Variants in CNNM1 observed in about 807,000 individuals in gnomAD.
CNNM1 encodes cyclin and CBS domain divalent metal cation transport mediator 1.
CNNM1 carries 44 observed loss-of-function variants against 78.8 expected under a neutral mutation model. The observed-to-expected ratio is 0.56, with a 90% CI of 0.44 to 0.72. The LOEUF (loss-of-function observed/expected upper bound fraction) is 0.72. CNNM1 is among the 30% of genes least tolerant of loss of function. CNNM1 has a pLI of 0.00. For synonymous variants in CNNM1, 584 were observed against 581.5 expected (o/e 1.00, Z -0.06); for missense variants, 1,101 against 1,292.2 (o/e 0.85, Z 2.27).
At chr10:99,347,376 A>G (rs1370822695) in intron 1 of CNNM1, among the ~76,000 whole-genome samples, 3 of 151,316 alleles carry the variant, frequency 2.0e-5, no homozygotes, top group Non-Finnish European at 4.4e-5. Context: ...AAAAAATTAG[A>G]CTGGCATGGT....
In CNNM1 at chr10:99,391,498, A is replaced by G; in HGVS notation, c.2838A>G (p.Leu946=). 6.2e-7 allele frequency: 1 copy of G among 1,613,832 alleles called. No individual in the cohort carries two copies. The highest frequency in any genetic ancestry group is 8.5e-7 in the Non-Finnish European group (1 of 1,179,766). The change falls in exon 11 of 11, where the codon TTA becomes TTG. Residue 946 remains leucine, a synonymous_variant. Transcript: ENST00000356713. ...GAACCTCTGAGGACAACTCCAATTT[A>G]ACACCTCTGATCACATGACAGGGCA... ...GERTSEDNSN[L]TPLIT
At position 99,330,079 on chromosome 10, in the gene CNNM1, T is replaced by C. The variant is rs1221770838; in HGVS notation, c.692T>C (p.Leu231Pro). The part of the protein sequence containing the change: ...PAWLRALGAL[L>P]LLALSALFSG... The stretch of plus-strand genomic sequence containing the variant: ...TGGCTGCGGGCGCTCGGGGCGCTCC[T>C]GCTGCTAGCCTTGTCGGCCCTGTTC... The change falls in exon 1 of 11, where the codon CTG (leucine) becomes CCG (proline). Residue 231 changes from leucine (L) to proline (P), a missense_variant. Physicochemically the swap from Leu to Pro is moderately conservative, Grantham distance 98. This residue lies in a region of CNNM1 where 476 missense variants were observed against 484.5 expected (regional missense o/e 0.98). Transcript: ENST00000356713. 5.9e-6 allele frequency: 9 copies of C among 1,530,172 alleles called. No homozygotes were observed. The highest frequency in any genetic ancestry group is 7.8e-6 in the Non-Finnish European group (9 of 1,147,706). 94.8% of individuals were successfully genotyped at this position (1,530,172 alleles called of 1,614,324 possible). A position where few individuals can be genotyped will look rare whatever the true frequency, so the allele number is the denominator to read the frequency against.
At chr10:99,356,562 C>CAGAAAGAAAGAAAGAAAAGAAAGAAAGAA (rs1554940019) in intron 1 of CNNM1, among the ~76,000 whole-genome samples, 61 of 98,538 alleles carry the variant, frequency 6.2e-4, no homozygotes, top group East Asian at 2.5e-3. Context: ...GACAGACAGA[C>CAGAAAGAAAGAAAGAAAAGAAAGAAAGAA]AGAAAGAAAG....
At chr10:99,349,639 T>A (rs866914636) in intron 1 of CNNM1, among the ~76,000 whole-genome samples, 2 of 152,130 alleles carry the variant, frequency 1.3e-5, no homozygotes, top group African/African-American at 4.8e-5. Flanking sequence ...ACACTTTGAG[T>A]AGCACATGTC....
intron 6 of CNNM1, among the ~76,000 whole-genome samples, chr10:99,375,349 T>C (rs190907802): frequency 6.6e-6 from 1 of 152,134 alleles, no homozygotes; most frequent in East Asian, 1.9e-4. Flanking sequence ...GGGATTTGAG[T>C]GGAGACAGAG....
chr10:99,364,547 A>G (rs756095650), intron 5 of CNNM1, 31 bp downstream of exon 5: 1 of 1,549,636 alleles, frequency 6.5e-7, no homozygotes, highest in Non-Finnish European at 8.8e-7. Flanking sequence ...TTATTGGGAA[A>G]GTAATGGGAT....
intron 4 of CNNM1, 55 bp from the exon 5 acceptor site, chr10:99,364,362 A>G: frequency 7.5e-7 from 1 of 1,331,768 alleles, no homozygotes; most frequent in South Asian, 1.3e-5. Flanking sequence ...AGTCAATAGT[A>G]GAACTGGAAG....
chr10:99,367,877 T>C (rs925775845), intron 6 of CNNM1, among the ~76,000 whole-genome samples: 1 of 3,740 alleles, frequency 2.7e-4, no homozygotes, highest in African/African-American at 3.6e-3. Flanking sequence ...GGGGCTGGAC[T>C]GTTATACACA....
At chr10:99,370,635 C>T (rs2031767307) in intron 6 of CNNM1, among the ~76,000 whole-genome samples, 1 of 152,136 alleles carries the variant, frequency 6.6e-6, no homozygotes, top group African/African-American at 2.4e-5. Flanking sequence ...GACTTTGGAA[C>T]CAAGGGCTCT....
rs1195604102 is a variant in CNNM1 at position 99,392,234 on chromosome 10, C to T, written c.*718C>T. 6.6e-6 allele frequency: 1 copy of T among 152,258 alleles called. No homozygotes were observed. The highest frequency in any genetic ancestry group is 1.5e-5 in the Non-Finnish European group (1 of 68,076). 9.4% of individuals were successfully genotyped at this position (152,258 alleles called of 1,614,324 possible). ...TTTACCAGGGACACATCTGTTTTGG[C>T]TCCCAATCAGCAGTCTTCAATCGAT... On this transcript the variant is annotated 3_prime_UTR_variant, in exon 11 of 11. Transcript: ENST00000356713.
intron 7 of CNNM1, among the ~76,000 whole-genome samples, chr10:99,383,756 G>A (rs763700818): frequency 6.6e-5 from 10 of 152,194 alleles, no homozygotes; most frequent in Non-Finnish European, 1.3e-4. Flanking sequence ...CTGGTGAGTA[G>A]TGGGAGTGCT....
At chr10:99,385,412 A>T (rs2032278592) in intron 7 of CNNM1, among the ~76,000 whole-genome samples, 1 of 152,042 alleles carries the variant, frequency 6.6e-6, no homozygotes, top group Admixed American at 6.6e-5. Flanking sequence ...TTTTTCCAAG[A>T]CCTAGTCTTG....
chr10:99,368,546 C>A, intron 6 of CNNM1: 1 of 1,014,300 alleles, frequency 9.9e-7, no homozygotes, highest in Non-Finnish European at 1.4e-6. Context: ...CCACTTTGTT[C>A]TTTGTCTCTT....
At chr10:99,377,011 C>A in intron 6 of CNNM1, 44 bp from the exon 7 acceptor site, 2 of 1,501,624 alleles carry the variant, frequency 1.3e-6, no homozygotes, top group Non-Finnish European at 1.8e-6. Flanking sequence ...TCTTCCTCCC[C>A]ACCCATCCCT....
chr10:99,376,983 G>A (rs541975643), intron 6 of CNNM1, 72 bp from the exon 7 acceptor site: 3 of 1,310,158 alleles, frequency 2.3e-6, no homozygotes, highest in East Asian at 2.5e-5. Context: ...CTCCTTCCCT[G>A]TCTCCCTCCC....
At chr10:99,378,652 C>T (rs1342539991) in intron 7 of CNNM1, among the ~76,000 whole-genome samples, 1 of 152,222 alleles carries the variant, frequency 6.6e-6, no homozygotes, top group African/African-American at 2.4e-5. Flanking sequence ...GTGCAAGGCA[C>T]TTTACTGAGT....
chr10:99,361,417 T>A, intron 3 of CNNM1, among the ~76,000 whole-genome samples: 1 of 152,244 alleles, frequency 6.6e-6, no homozygotes, highest in African/African-American at 2.4e-5. Flanking sequence ...AATCCAAAGA[T>A]AAACTCCTTC....
At chr10:99,340,836 T>C (rs968057947) in intron 1 of CNNM1, among the ~76,000 whole-genome samples, 37 of 146,444 alleles carry the variant, frequency 2.5e-4, no homozygotes, top group African/African-American at 8.1e-4. Context: ...TTCTTTTCTT[T>C]CTCTTTCTCT....
chr10:99,368,615 T>C, intron 6 of CNNM1: 2 of 1,289,724 alleles, frequency 1.6e-6, no homozygotes, highest in South Asian at 1.2e-5. Flanking sequence ...CCTGACTCTT[T>C]AGTGCCTGTC....
Sources: gnomAD v4.1 joint callset for allele counts (sites outside exome capture counted in the v4.1 genomes callset) on GRCh38, gnomAD v4.1.1 for gene constraint, gnomAD v4.1.1 regional missense constraint, MANE v1.5 for transcripts, NCBI Gene and HGNC (gene_info 2026-07-23, HGNC 2026-07-21) for gene names.